The following NAA15 variants were observed in gnomAD, a reference collection of about 807,000 sequenced individuals.
NAA15 encodes the protein N-alpha-acetyltransferase 15, NatA auxiliary subunit.
In NAA15, 34 loss-of-function variants were observed where a neutral mutation model predicts 114.0. That is an observed-to-expected ratio of 0.30 (90% CI 0.23 to 0.40). The LOEUF (loss-of-function observed/expected upper bound fraction) is 0.40, where lower values mean the gene tolerates loss of function less well. Ranked by LOEUF, NAA15 falls within the 10% of genes least tolerant of loss-of-function variation. The pLI is 1.00. For synonymous variants in NAA15, 340 were observed against 338.0 expected, an observed-to-expected ratio of 1.01 and a Z score of -0.06; for missense variants, 658 against 1,004.5, an observed-to-expected ratio of 0.66 and a Z score of 4.66.
At chr4:139,330,801 A>C (rs533586421) in intron 1 of NAA15, among the ~76,000 whole-genome samples, 1 of 152,202 alleles carries the variant, frequency 6.6e-6, no homozygotes, top group Non-Finnish European at 1.5e-5. Flanking sequence ...ACAGAGTGAG[A>C]TCCTGTCTCA....
At chr4:139,338,083 A>G (rs1385914494) in intron 3 of NAA15, among the ~76,000 whole-genome samples, 1 of 152,178 alleles carries the variant, frequency 6.6e-6, no homozygotes, top group African/African-American at 2.4e-5. Flanking sequence ...ATATTTGGCA[A>G]TGTTAAACTC....
At chr4:139,320,520 A>G (rs1746560205) in intron 1 of NAA15, among the ~76,000 whole-genome samples, 1 of 151,506 alleles carries the variant, frequency 6.6e-6, no homozygotes, top group Admixed American at 6.6e-5. Flanking sequence ...TTTTTTATTT[A>G]CTTATTTATT....
chr4:139,329,601 A>C (rs868237797), intron 1 of NAA15, among the ~76,000 whole-genome samples: 2 of 152,110 alleles, frequency 1.3e-5, no homozygotes, highest in African/African-American at 2.4e-5. Flanking sequence ...ACTGAATTCT[A>C]CAGCTGTTCG....
chr4:139,304,975 T>C (rs1450772009), intron 1 of NAA15, among the ~76,000 whole-genome samples: 2 of 152,172 alleles, frequency 1.3e-5, no homozygotes, highest in Admixed American at 1.3e-4. Context: ...TGGCTATTTA[T>C]AGGCTCTATC....
chr4:139,342,479 GTTT>G (rs11402847), intron 4 of NAA15, among the ~76,000 whole-genome samples: 1 of 125,550 alleles, frequency 8.0e-6, no homozygotes, highest in Admixed American at 8.1e-5. Context: ...ATTAATGTGT[GTTT>G]TTTTTTTTTT....
At chr4:139,351,010 T>G (rs1747762194) in intron 7 of NAA15, among the ~76,000 whole-genome samples, 181 bp from the exon 8 acceptor site, 1 of 151,894 alleles carries the variant, frequency 6.6e-6, no homozygotes, top group Non-Finnish European at 1.5e-5. Context: ...GTACTTAAGA[T>G]AAAAAAAATT....
intron 2 of NAA15, among the ~76,000 whole-genome samples, chr4:139,335,552 G>A (rs1747171281): frequency 6.6e-6 from 1 of 151,864 alleles, no homozygotes; most frequent in African/African-American, 2.4e-5. Flanking sequence ...TTTTAGTAGA[G>A]ATGAGGTCTC....
In NAA15 at chr4:139,318,745, T is replaced by C. The variant is rs576045941; in HGVS notation, c.55-15429T>C. Among the ~76,000 whole-genome samples, 12 of 151,992 alleles carry C rather than the reference T, an allele frequency of 7.9e-5. No individual in the cohort carries two copies. In the South Asian group the frequency reaches 2.5e-3, roughly 32 times the overall value. The stretch of plus-strand genomic sequence containing the variant: ...GGCATGTGCCTGTAATCCCAGCTAC[T>C]TGGGAGGCTGAGGCAAGAGAATTGC... On this transcript the variant is annotated intron_variant, in intron 1 of 19. Coordinates refer to ENST00000296543, the MANE Select transcript of NAA15 (RefSeq NM_057175.5).
chr4:139,384,499 A>G (rs1748837687), intron 17 of NAA15, among the ~76,000 whole-genome samples: 1 of 151,838 alleles, frequency 6.6e-6, no homozygotes, highest in African/African-American at 2.4e-5. Flanking sequence ...GTCAGTTTAT[A>G]TAGGTAAGCT....
intron 15 of NAA15, among the ~76,000 whole-genome samples, chr4:139,374,229 G>A (rs913729903): frequency 2.0e-5 from 3 of 152,150 alleles, no homozygotes; most frequent in African/African-American, 4.8e-5. Flanking sequence ...AATTGCCCTT[G>A]GAAGTGTCTT....
Position 139,361,830 on chromosome 4 carries a change from G to A in NAA15, c.1646G>A (p.Arg549Gln). Reference protein sequence around the residue: ...VDLLKLEDVLRQHPFYFKAAR... With the variant: ...VDLLKLEDVLQQHPFYFKAAR... ...TTATTAAAACTAGAAGATGTACTTC[G>A]ACAGCATCCATTTTACTTCAAGGCA... The change falls in exon 14 of 20, where the codon CGA becomes CAA. Residue 549 changes from arginine to glutamine, a missense_variant. Arg to Gln is a conservative substitution (Grantham distance 43, BLOSUM62 1). Transcript: ENST00000296543. 8 of 1,613,296 alleles carry A rather than the reference G, an allele frequency of 5.0e-6. No individual in the cohort carries two copies. Among genetic ancestry groups the A allele is most frequent in the Non-Finnish European group, 5.9e-6 (7 of 1,179,512 alleles).
intron 3 of NAA15, among the ~76,000 whole-genome samples, chr4:139,337,905 G>T (rs188271874): frequency 1.1e-4 from 17 of 152,326 alleles, no homozygotes; most frequent in African/African-American, 3.6e-4. Context: ...TAAAGCAGAA[G>T]TATGTGAATT....
At chr4:139,377,537 T>C (rs1748623798) in intron 16 of NAA15, among the ~76,000 whole-genome samples, 1 of 129,746 alleles carries the variant, frequency 7.7e-6, no homozygotes, top group Admixed American at 7.3e-5. Flanking sequence ...AAACTCCATC[T>C]CAAAAAAAAA....
At chr4:139,354,559 A>G (rs1345169497) in intron 10 of NAA15, among the ~76,000 whole-genome samples, 2 of 152,144 alleles carry the variant, frequency 1.3e-5, no homozygotes, top group East Asian at 3.8e-4. Flanking sequence ...TTGGCCTCTT[A>G]AAGTGTTGAG....
intron 5 of NAA15, among the ~76,000 whole-genome samples, chr4:139,343,633 A>G (rs1747484793): frequency 6.6e-6 from 1 of 152,256 alleles, no homozygotes; most frequent in Non-Finnish European, 1.5e-5. Context: ...AGGAAACCAT[A>G]TAAATGATAT....
At chr4:139,350,200 T>C (rs1747732054) in intron 7 of NAA15, among the ~76,000 whole-genome samples, 1 of 152,008 alleles carries the variant, frequency 6.6e-6, no homozygotes, top group Non-Finnish European at 1.5e-5. Context: ...CCCAGCACTT[T>C]GGGAGGCTGG....
At chr4:139,336,175 C>CAATCA (rs1747194937) in intron 2 of NAA15, among the ~76,000 whole-genome samples, 1 of 152,150 alleles carries the variant, frequency 6.6e-6, no homozygotes, top group African/African-American at 2.4e-5. Flanking sequence ...AAAGAGAAAT[C>CAATCA]AATCAAATAA....
intron 14 of NAA15, among the ~76,000 whole-genome samples, chr4:139,367,608 C>CT (rs1748318395): frequency 6.6e-6 from 1 of 152,154 alleles, no homozygotes; most frequent in South Asian, 2.1e-4. Context: ...GTGAGTCATA[C>CT]TCTTAAATTT....
At chr4:139,373,892 A>G (rs891677295) in intron 15 of NAA15, among the ~76,000 whole-genome samples, 1 of 152,028 alleles carries the variant, frequency 6.6e-6, no homozygotes, top group Non-Finnish European at 1.5e-5. Context: ...TTTAGTAGAG[A>G]TGGAGTTTCA....
Sources: gnomAD v4.1 joint callset for allele counts (sites outside exome capture counted in the v4.1 genomes callset) on GRCh38, gnomAD v4.1.1 for gene constraint, MANE v1.5 for transcripts, NCBI Gene and HGNC (gene_info 2026-07-23, HGNC 2026-07-21) for gene names.